Variants in ADGRL3 observed in about 807,000 individuals in gnomAD.
ADGRL3 encodes calcium-independent alpha-latrotoxin receptor 3.
Under a neutral mutation model 153.5 loss-of-function variants are expected in ADGRL3, and 62 were observed. That is an observed-to-expected ratio of 0.40 (90% confidence interval 0.33 to 0.50). The LOEUF (loss-of-function observed/expected upper bound fraction) is 0.50, where lower values mean the gene tolerates loss of function less well. Ranked by LOEUF, ADGRL3 falls within the 20% of genes least tolerant of loss-of-function variation. ADGRL3 has a pLI of 0.47. For synonymous variants in ADGRL3, 710 were observed against 672.5 expected, an observed-to-expected ratio of 1.06 and a Z score of -0.86; for missense variants, 1,641 against 1,859.4, an observed-to-expected ratio of 0.88 and a Z score of 2.16.
At chr4:61,711,013 G>T (rs187931743) in intron 6 of ADGRL3, among the ~76,000 whole-genome samples, 418 of 152,162 alleles carry the variant, frequency 2.7e-3, no homozygotes, top group African/African-American at 8.8e-3. Flanking sequence ...AAATTTGATG[G>T]CACATTTATA....
At chr4:62,024,084 G>T (rs187390042) in intron 21 of ADGRL3, among the ~76,000 whole-genome samples, 115 of 152,132 alleles carry the variant, frequency 7.6e-4, no homozygotes, top group South Asian at 4.4e-3. Context: ...TTGAGTTAAA[G>T]AAACTTATAT....
At chr4:61,413,310 T>C (rs1400365838) in intron 2 of ADGRL3, among the ~76,000 whole-genome samples, 2 of 152,036 alleles carry the variant, frequency 1.3e-5, no homozygotes, top group Non-Finnish European at 2.9e-5. Flanking sequence ...TGGTGGGAAG[T>C]GATGAAAGTC....
At chr4:62,019,340 T>C (rs1031178310) in intron 21 of ADGRL3, among the ~76,000 whole-genome samples, 1 of 152,084 alleles carries the variant, frequency 6.6e-6, no homozygotes, top group African/African-American at 2.4e-5. Flanking sequence ...TATGCATATA[T>C]ACATATTTTA....
At chr4:61,630,968 C>T (rs2093128000) in intron 5 of ADGRL3, among the ~76,000 whole-genome samples, 1 of 152,184 alleles carries the variant, frequency 6.6e-6, no homozygotes. Context: ...ATGCTTACTA[C>T]GTGATTAAAT....
At chr4:61,980,306 A>ATTTTTTTT (rs756680977) in intron 18 of ADGRL3, among the ~76,000 whole-genome samples, 905 of 74,380 alleles carry the variant, frequency 0.012, 136 homozygotes, top group Middle Eastern at 0.021. Context: ...GTAACCACTA[A>ATTTTTTTT]TTTTTTTTTT....
chr4:61,906,593 A>G (rs1243588913), intron 11 of ADGRL3, among the ~76,000 whole-genome samples: 5 of 152,140 alleles, frequency 3.3e-5, no homozygotes, highest in African/African-American at 1.2e-4. Context: ...TTCACATGTC[A>G]AAGTTTAATA....
intron 1 of ADGRL3, among the ~76,000 whole-genome samples, chr4:61,307,799 G>T (rs2094848157): frequency 6.6e-6 from 1 of 152,204 alleles, no homozygotes; most frequent in African/African-American, 2.4e-5. Flanking sequence ...CTGTAATCCA[G>T]TCATTGGATA....
chr4:61,816,002 A>T (rs6840216), intron 9 of ADGRL3, among the ~76,000 whole-genome samples: 16,200 of 152,288 alleles, frequency 0.11, 925 homozygotes, highest in Middle Eastern at 0.14. Context: ...GATGCTTATG[A>T]CATAATTGTT....
At chr4:61,563,396 C>A (rs1028308388) in intron 4 of ADGRL3, among the ~76,000 whole-genome samples, 1 of 152,136 alleles carries the variant, frequency 6.6e-6, no homozygotes, top group Non-Finnish European at 1.5e-5. Context: ...TAGCATAATT[C>A]TTAAGGGCCT....
intron 6 of ADGRL3, among the ~76,000 whole-genome samples, chr4:61,697,476 T>C (rs1445611371): frequency 6.6e-6 from 1 of 151,732 alleles, no homozygotes; most frequent in Non-Finnish European, 1.5e-5. Flanking sequence ...GGAGAATTGC[T>C]TGGACCTAGG....
chr4:61,946,586 C>G (rs1278103360), intron 15 of ADGRL3, among the ~76,000 whole-genome samples: 1 of 151,956 alleles, frequency 6.6e-6, no homozygotes, highest in Non-Finnish European at 1.5e-5. Flanking sequence ...ACATCTTTGC[C>G]TTCTTCAAAG....
chr4:61,408,841 G>A (rs2097041244), intron 2 of ADGRL3, among the ~76,000 whole-genome samples: 1 of 151,988 alleles, frequency 6.6e-6, no homozygotes, highest in Non-Finnish European at 1.5e-5. Context: ...CTCTTGCTAA[G>A]TCTAACATAC....
In ADGRL3 at chr4:62,076,049, T is replaced by C. The variant is rs1560592370; in HGVS notation, c.*5141T>C. On this transcript the variant is annotated 3_prime_UTR_variant, in exon 27 of 27. Coordinates refer to ENST00000683033, the MANE Select transcript of ADGRL3 (RefSeq NM_001387552.1). ...ACTCTGATTCCATTTATTTACAGCCTGCAGAAGAAGTAGCTTGTTTACGAT... is the reference window on the plus strand; with the variant it reads ...ACTCTGATTCCATTTATTTACAGCCCGCAGAAGAAGTAGCTTGTTTACGAT... The C allele has an allele frequency of 6.6e-6, 1 of 152,150 alleles. No homozygotes were observed. Among genetic ancestry groups the C allele is most frequent in the Non-Finnish European group, 1.5e-5 (1 of 68,000 alleles). The allele number at this position is 152,150 out of a possible 1,614,324, so 9.4% of individuals were successfully genotyped here.
chr4:62,004,466 T>TA (rs909546459), intron 21 of ADGRL3, among the ~76,000 whole-genome samples: 2 of 151,932 alleles, frequency 1.3e-5, no homozygotes, highest in African/African-American at 2.4e-5. Flanking sequence ...TAGTTACTGA[T>TA]AAAAAATACT....
chr4:61,711,458 TTATATATATATATATATA>T (rs1167827672), intron 6 of ADGRL3, among the ~76,000 whole-genome samples: 5 of 34,660 alleles, frequency 1.4e-4, no homozygotes, highest in East Asian at 2.4e-3. Flanking sequence ...ATATGCTTCA[TTATATATATATATATATA>T]TATATATATA....
intron 2 of ADGRL3, among the ~76,000 whole-genome samples, chr4:61,413,006 G>A (rs1159645076): frequency 6.6e-6 from 1 of 152,150 alleles, no homozygotes; most frequent in Non-Finnish European, 1.5e-5. Context: ...TGGATGATCT[G>A]TGTATTAGGT....
chr4:61,997,914 A>G (rs1440308154), intron 20 of ADGRL3, among the ~76,000 whole-genome samples: 3 of 152,160 alleles, frequency 2.0e-5, no homozygotes, highest in Non-Finnish European at 4.4e-5. Context: ...TTTCCACAGC[A>G]TCACTCCAGC....
intron 4 of ADGRL3, among the ~76,000 whole-genome samples, chr4:61,577,814 TAAAAA>T (rs1579637234): frequency 7.2e-6 from 1 of 138,550 alleles, no homozygotes; most frequent in African/African-American, 2.7e-5. Flanking sequence ...GCTTGTCTCT[TAAAAA>T]AAAAGAAAAA....
chr4:61,496,940 TAAA>T (rs5858706), intron 2 of ADGRL3, among the ~76,000 whole-genome samples, 178 bp from the exon 3 acceptor site: 7 of 144,834 alleles, frequency 4.8e-5, no homozygotes, highest in Admixed American at 6.9e-5. Flanking sequence ...GACTCCATCT[TAAA>T]AAAAAAAAAA....
Sources: allele counts gnomAD v4.1 joint callset (sites outside exome capture counted in the v4.1 genomes callset), GRCh38; gene constraint gnomAD v4.1.1; transcripts MANE v1.5; gene names NCBI Gene and HGNC (gene_info 2026-07-23, HGNC 2026-07-21).